CHODL: variants seen among roughly 807,000 people sequenced by gnomAD.
CHODL encodes the protein chondrolectin.
A neutral mutation model predicts 34.5 loss-of-function variants in CHODL; 29 were observed. The ratio of observed to expected loss-of-function variants is 0.84; its 90% CI spans 0.63 to 1.15. The LOEUF (loss-of-function observed/expected upper bound fraction) is 1.15, where lower values mean the gene tolerates loss of function less well. Ranked by LOEUF, CHODL falls within the 50% of genes most tolerant of loss-of-function variation. The probability of loss-of-function intolerance (pLI) is 0.00; values close to 1 mark genes in which losing one functional copy is unlikely to be tolerated. For synonymous variants in CHODL, 125 were observed against 116.1 expected (o/e 1.08, Z -0.49); for missense variants, 332 against 332.5 (o/e 1.00, Z 0.01).
At chr21:18,063,225 T>C (rs139316316) in intron 2 of CHODL, among the ~76,000 whole-genome samples, 61 of 152,270 alleles carry the variant, frequency 4.0e-4, no homozygotes, top group African/African-American at 1.4e-3. Flanking sequence ...ACAGAACCAA[T>C]GTAGAAGAAC....
chr21:18,261,360 T>TAA lies in CHODL; in HGVS notation c.634+1088_634+1089dup, dbSNP rs60033114. 4.7e-3 allele frequency among the ~76,000 whole-genome samples: 644 copies of TAA among 137,824 alleles called. 2 individuals carry two copies. Among genetic ancestry groups the TAA allele is most frequent in the African/African-American group, 0.016 (598 of 38,440 alleles). The allele number at this position is 137,824 out of a possible 152,430, so 90.4% of individuals were successfully genotyped here. ...ATGTACACTAAAACTTAAAGTATGATAAAAAAAAAAAAAAAGATCAGTAGG... is the reference window on the plus strand; with the variant it reads ...ATGTACACTAAAACTTAAAGTATGATAAAAAAAAAAAAAAAAAGATCAGTAGG... On this transcript the variant is annotated intron_variant, in intron 4 of 5. Transcript: ENST00000299295.
At chr21:18,025,537 C>T (rs73325209) in intron 1 of CHODL, among the ~76,000 whole-genome samples, 17,349 of 152,052 alleles carry the variant, frequency 0.11, 1,780 homozygotes, top group African/African-American at 0.28. Context: ...CTTCTTCGTT[C>T]GGTTTCAATA....
At chr21:18,078,944 T>G (rs1052256954) in intron 2 of CHODL, among the ~76,000 whole-genome samples, 1 of 152,190 alleles carries the variant, frequency 6.6e-6, no homozygotes, top group Non-Finnish European at 1.5e-5. Context: ...TCACAGCCCA[T>G]GTTCATATCC....
chr21:18,040,631 T>G (rs1212591758), intron 2 of CHODL, among the ~76,000 whole-genome samples: 1 of 151,840 alleles, frequency 6.6e-6, no homozygotes, highest in Non-Finnish European at 1.5e-5. Flanking sequence ...TACAGGTGTA[T>G]TTTACACTAT....
intron 1 of CHODL, among the ~76,000 whole-genome samples, chr21:17,978,692 C>T (rs539437261): frequency 2.6e-4 from 38 of 148,976 alleles, no homozygotes; most frequent in African/African-American, 6.4e-4. Flanking sequence ...CCCTCCAGCC[C>T]GGGTGACTGA....
At chr21:18,148,471 G>A (rs2072925263) in intron 2 of CHODL, among the ~76,000 whole-genome samples, 1 of 151,962 alleles carries the variant, frequency 6.6e-6, no homozygotes, top group Admixed American at 6.5e-5. Flanking sequence ...TAAAAAGTTG[G>A]GGACTTGGGG....
intron 2 of CHODL, among the ~76,000 whole-genome samples, chr21:18,121,890 T>C (rs2065483957): frequency 6.6e-6 from 1 of 152,182 alleles, no homozygotes; most frequent in Non-Finnish European, 1.5e-5. Flanking sequence ...TTAATATTTT[T>C]CTTATTTATT....
intron 1 of CHODL, among the ~76,000 whole-genome samples, chr21:18,256,140 G>A (rs2074312105): frequency 6.6e-6 from 1 of 151,962 alleles, no homozygotes; most frequent in Admixed American, 6.6e-5. Flanking sequence ...TTTGCTTTAT[G>A]AATTGTTATT....
At chr21:18,084,770 G>C (rs2064983375) in intron 2 of CHODL, among the ~76,000 whole-genome samples, 1 of 152,122 alleles carries the variant, frequency 6.6e-6, no homozygotes, top group Admixed American at 6.5e-5. Flanking sequence ...TTCTGTAAAT[G>C]TCTGTTAAGT....
At chr21:17,982,453 A>C (rs924385317) in intron 1 of CHODL, among the ~76,000 whole-genome samples, 1 of 152,170 alleles carries the variant, frequency 6.6e-6, no homozygotes, top group African/African-American at 2.4e-5. Context: ...ACAGTTTCTC[A>C]ACATAAGCAT....
intron 2 of CHODL, among the ~76,000 whole-genome samples, chr21:18,045,035 T>C (rs1359574483): frequency 2.6e-5 from 4 of 151,690 alleles, no homozygotes; most frequent in Non-Finnish European, 4.4e-5. Flanking sequence ...TTTAGATGAA[T>C]CGGTGATAAG....
chr21:18,209,518 C>G (rs1317151767), intron 2 of CHODL, among the ~76,000 whole-genome samples: 1 of 152,124 alleles, frequency 6.6e-6, no homozygotes, highest in Non-Finnish European at 1.5e-5. Flanking sequence ...TGCTTTACCC[C>G]ACGTGGCTGA....
intron 2 of CHODL, among the ~76,000 whole-genome samples, chr21:18,196,545 A>G (rs1013394029): frequency 1.3e-5 from 2 of 152,106 alleles, no homozygotes; most frequent in Non-Finnish European, 2.9e-5. Context: ...GGCGGAGGAA[A>G]AGCATTCGCA....
chr21:18,035,410 G>C (rs2064297667), intron 2 of CHODL, among the ~76,000 whole-genome samples: 1 of 151,888 alleles, frequency 6.6e-6, no homozygotes, highest in South Asian at 2.1e-4. Flanking sequence ...CTGGTTTTAA[G>C]CAATTCGAAT....
intron 2 of CHODL, among the ~76,000 whole-genome samples, chr21:18,073,881 T>C (rs965011759): frequency 6.6e-6 from 1 of 151,982 alleles, no homozygotes; most frequent in African/African-American, 2.4e-5. Flanking sequence ...ATATTTATCT[T>C]GATGTAATTT....
intron 1 of CHODL, among the ~76,000 whole-genome samples, chr21:17,982,559 G>A (rs1344709825): frequency 6.6e-6 from 1 of 151,398 alleles, no homozygotes; most frequent in African/African-American, 2.4e-5. Flanking sequence ...TTATTTTCCT[G>A]ATTATGAAAA....
At chr21:18,115,017 A>G (rs1424669322) in intron 2 of CHODL, 1 of 152,282 alleles carries the variant, frequency 6.6e-6, no homozygotes, top group Non-Finnish European at 1.5e-5. Flanking sequence ...TTCATGAGCT[A>G]AATAAATGCT....
chr21:18,119,068 A>C (rs551923490), intron 2 of CHODL, among the ~76,000 whole-genome samples: 37 of 152,272 alleles, frequency 2.4e-4, no homozygotes, highest in African/African-American at 6.7e-4. Context: ...CTTTAAAAAG[A>C]AGCTTTAGTG....
intron 2 of CHODL, among the ~76,000 whole-genome samples, chr21:18,096,493 A>T (rs960235566): frequency 6.6e-6 from 1 of 152,136 alleles, no homozygotes; most frequent in African/African-American, 2.4e-5. Flanking sequence ...ATGTATTCCC[A>T]GGGGAGGTCT....
Sources: allele counts gnomAD v4.1 joint callset (sites outside exome capture counted in the v4.1 genomes callset), GRCh38; gene constraint gnomAD v4.1.1; transcripts MANE v1.5; gene names NCBI Gene and HGNC (gene_info 2026-07-23, HGNC 2026-07-21).